The following PPP6R2 variants were observed in gnomAD, a reference collection of about 807,000 sequenced individuals.
PPP6R2 encodes the protein serine/threonine-protein phosphatase 6 regulatory subunit 2.
Under a neutral mutation model 100.2 loss-of-function variants are expected in PPP6R2, and 62 were observed. That is an observed-to-expected ratio of 0.62 (90% CI 0.50 to 0.76). The LOEUF (loss-of-function observed/expected upper bound fraction) is 0.76, where lower values mean the gene tolerates loss of function less well. Among genes scored for constraint, PPP6R2 ranks in the 30% least tolerant of loss-of-function variants. The probability of loss-of-function intolerance (pLI) is 0.00; values close to 1 mark genes in which losing one functional copy is unlikely to be tolerated. For synonymous variants in PPP6R2, 525 were observed against 514.7 expected, an observed-to-expected ratio of 1.02 and a Z score of -0.27; for missense variants, 1,142 against 1,276.3, an observed-to-expected ratio of 0.89 and a Z score of 1.60.
In PPP6R2 at chr22:50,394,121, G is replaced by A. The variant is rs766144490; in HGVS notation, c.213G>A (p.Glu71=). 2 of 1,614,080 alleles carry A rather than the reference G, an allele frequency of 1.2e-6. No homozygotes were observed. Among genetic ancestry groups the A allele is most frequent in the Non-Finnish European group, 1.7e-6 (2 of 1,179,988 alleles). ...ITQDPPLDME[E]KVRFKYPNTA... is the part of the protein sequence containing the mutation. ...AGGATCCGCCCCTGGACATGGAGGA[G>A]AAGGTCCGCTTCAAGTATGTACCAA... The change falls in exon 3 of 24, where the codon GAG becomes GAA. Residue 71 remains glutamate (E), a synonymous_variant. Coordinates refer to ENST00000612753, the MANE Select transcript of PPP6R2 (RefSeq NM_001242898.2).
At chr22:50,412,963 T>G (rs899710099) in intron 4 of PPP6R2, among the ~76,000 whole-genome samples, 2 of 144,344 alleles carry the variant, frequency 1.4e-5, no homozygotes, top group African/African-American at 2.6e-5. Flanking sequence ...TCCTTTTTTT[T>G]TTGTTTTTTT....
chr22:50,442,431 G>C (rs2065879855), intron 22 of PPP6R2, among the ~76,000 whole-genome samples: 1 of 152,236 alleles, frequency 6.6e-6, no homozygotes, highest in Non-Finnish European at 1.5e-5. Context: ...GGGAAACGGG[G>C]CCAAGGCCGT....
At chr22:50,440,191 A>T in intron 21 of PPP6R2, 142 bp downstream of exon 21, 2 of 791,832 alleles carry the variant, frequency 2.5e-6, no homozygotes, top group Admixed American at 2.8e-5. Context: ...GGGGTTTGAT[A>T]CAGCAATGGG....
chr22:50,343,181 G>A (rs1326292218), upstream of PPP6R2: 1 of 151,762 alleles, frequency 6.6e-6, no homozygotes, highest in Non-Finnish European at 1.5e-5. Flanking sequence ...GCTCCCACGC[G>A]GGTTTCACCG....
chr22:50,339,876 GT>G, upstream of PPP6R2, among the ~76,000 whole-genome samples: 1 of 112,374 alleles, frequency 8.9e-6, no homozygotes. Context: ...TGTGTGTGGT[GT>G]GGTGTGTGTG....
At chr22:50,393,497 G>C in intron 2 of PPP6R2, 1 of 985,258 alleles carries the variant, frequency 1.0e-6, no homozygotes, top group Middle Eastern at 5.2e-4. Context: ...GAGCAAGCAA[G>C]AGCATTGAGG....
chr22:50,362,390 TG>T (rs1008423165), intron 1 of PPP6R2, among the ~76,000 whole-genome samples: 3 of 152,190 alleles, frequency 2.0e-5, no homozygotes, highest in African/African-American at 7.2e-5. Context: ...GGAGACCAGC[TG>T]GGCCTCCGCT....
intron 1 of PPP6R2, among the ~76,000 whole-genome samples, chr22:50,350,104 C>G (rs1307357564): frequency 1.3e-5 from 2 of 151,860 alleles, no homozygotes; most frequent in Non-Finnish European, 2.9e-5. Context: ...GGCAACAGAG[C>G]AAGACTCTGT....
rs766764543 is a variant in PPP6R2 at position 50,380,541 on chromosome 22, A to G, written c.-17+8391A>G. On this transcript the variant is annotated intron_variant, in intron 2 of 23. Transcript: ENST00000612753. The stretch of plus-strand genomic sequence containing the variant: ...ACACGCAGCTAATTTTTGTATTTTT[A>G]GTAGAGACGGGGTTTCACTACGTTG... Among the ~76,000 whole-genome samples, 66 of 150,502 alleles carry G rather than the reference A, an allele frequency of 4.4e-4. 1 individual carries two copies. Among genetic ancestry groups the G allele is most frequent in the Non-Finnish European group, 8.9e-4 (60 of 67,678 alleles).
At chr22:50,385,491 C>G (rs934360232) in intron 2 of PPP6R2, among the ~76,000 whole-genome samples, 12 of 150,404 alleles carry the variant, frequency 8.0e-5, no homozygotes, top group African/African-American at 2.9e-4. Context: ...AGCCACCACC[C>G]CCAGCCAGGG....
chr22:50,355,863 A>G (rs1001828365), intron 1 of PPP6R2, among the ~76,000 whole-genome samples: 1 of 150,764 alleles, frequency 6.6e-6, no homozygotes, highest in Non-Finnish European at 1.5e-5. Context: ...CCAAAAAAAA[A>G]GCTTTTAAAA....
At chr22:50,370,815 G>C (rs1015649800) in intron 1 of PPP6R2, among the ~76,000 whole-genome samples, 7 of 151,206 alleles carry the variant, frequency 4.6e-5, no homozygotes, top group African/African-American at 1.7e-4. Context: ...TGTATTTTTA[G>C]TAGAGACGGG....
chr22:50,438,330 T>C, intron 18 of PPP6R2, 32 bp downstream of exon 18: 1 of 1,594,982 alleles, frequency 6.3e-7, no homozygotes, highest in East Asian at 2.2e-5. Context: ...ACAAAGCCTC[T>C]GCCGAGGAGG....
At chr22:50,388,545 ACAGAG>A (rs1449136570) in intron 2 of PPP6R2, among the ~76,000 whole-genome samples, 4 of 152,120 alleles carry the variant, frequency 2.6e-5, no homozygotes, top group Non-Finnish European at 1.5e-5. Flanking sequence ...AGTCTGGCTC[ACAGAG>A]CAGGACCCTG....
chr22:50,352,084 C>T (rs1481656529), intron 1 of PPP6R2, among the ~76,000 whole-genome samples: 3 of 151,886 alleles, frequency 2.0e-5, no homozygotes, highest in African/African-American at 7.3e-5. Context: ...CGTGAGCCAC[C>T]GCACCCGGCC....
intron 1 of PPP6R2, among the ~76,000 whole-genome samples, chr22:50,359,619 T>C (rs1051862661): frequency 6.6e-6 from 1 of 152,218 alleles, no homozygotes; most frequent in Non-Finnish European, 1.5e-5. Context: ...TATCCACATG[T>C]GATATGTTAA....
intron 1 of PPP6R2, among the ~76,000 whole-genome samples, chr22:50,369,927 T>TTTTA (rs774327761): frequency 7.1e-6 from 1 of 140,112 alleles, no homozygotes; most frequent in East Asian, 2.0e-4. Flanking sequence ...TTTTTTTTTT[T>TTTTA]AAGTAGAGGC....
rs1192671164 is a variant in PPP6R2 at position 50,385,814 on chromosome 22, C to CTTT, written c.-16-8054_-16-8052dup. Among the ~76,000 whole-genome samples the CTTT allele has an allele frequency of 5.2e-3, 392 of 75,396 alleles. 84 individuals carry two copies. Among genetic ancestry groups the CTTT allele is most frequent in the African/African-American group, 0.025 (352 of 14,144 alleles). 49.5% of individuals were successfully genotyped at this position (75,396 alleles called of 152,430 possible). On this transcript the variant is annotated intron_variant, in intron 2 of 23. Transcript: ENST00000612753. ...TACAGGCATGAGCCACCGCGCCCAG[C>CTTT]TTTTTTTTTTTTTTTTTTTTTTTTT...
intron 1 of PPP6R2, among the ~76,000 whole-genome samples, chr22:50,351,003 T>G (rs1660042283): frequency 6.7e-6 from 1 of 150,294 alleles, no homozygotes; most frequent in African/African-American, 2.5e-5. Context: ...ATCTTTTTTT[T>G]CTGAGCAGTA....
Sources: allele counts gnomAD v4.1 joint callset (sites outside exome capture counted in the v4.1 genomes callset), GRCh38; gene constraint gnomAD v4.1.1; transcripts MANE v1.5; gene names NCBI Gene and HGNC (gene_info 2026-07-23, HGNC 2026-07-21).